Variants in CSMD1 observed in about 807,000 individuals in gnomAD.
CSMD1 encodes the protein CUB and Sushi multiple domains 1, also known as CUB and sushi domain-containing protein 1.
Under a neutral mutation model 417.5 loss-of-function variants are expected in CSMD1, and 213 were observed. That is an observed-to-expected ratio of 0.51 (90% confidence interval 0.46 to 0.57). The LOEUF (loss-of-function observed/expected upper bound fraction) is 0.57. Among genes scored for constraint, CSMD1 ranks in the 20% least tolerant of loss-of-function variants. CSMD1 has a pLI of 0.00. For missense variants in CSMD1, 6,923 were observed against 4,529.7 expected (o/e 1.53, Z -15.17); for synonymous variants, 2,862 against 1,736.8 (o/e 1.65, Z -16.11).
At chr8:3,660,900 C>G (rs558075239) in intron 7 of CSMD1, among the ~76,000 whole-genome samples, 1 of 152,290 alleles carries the variant, frequency 6.6e-6, no homozygotes. Flanking sequence ...TTTGTATACA[C>G]AGCTGCTCCC....
At chr8:3,694,084 TTA>T (rs907320444) in intron 7 of CSMD1, among the ~76,000 whole-genome samples, 80 of 151,358 alleles carry the variant, frequency 5.3e-4, no homozygotes, top group African/African-American at 1.9e-3. Flanking sequence ...TGTTGGAGTG[TTA>T]TGTGTTGTGT....
intron 52 of CSMD1, among the ~76,000 whole-genome samples, chr8:3,002,947 A>T (rs1438006450): frequency 6.6e-6 from 1 of 152,238 alleles, no homozygotes; most frequent in Non-Finnish European, 1.5e-5. Flanking sequence ...GAAGAAAAAA[A>T]AGTTATGTAT....
rs139037903 is a variant in CSMD1, at chr8:3,216,462, C to G, written c.4673-1771G>C. Among the ~76,000 whole-genome samples the G allele has an allele frequency of 4.3e-3, 648 of 152,148 alleles. 8 individuals carry two copies. Among genetic ancestry groups the G allele is most frequent in the African/African-American group, 0.015 (608 of 41,490 alleles). On this transcript the variant is annotated intron_variant, in intron 29 of 69. Transcript: ENST00000635120. Reference sequence around the variant, plus strand: ...TAATGTATGTCTGTTGCTCTTGTGTCCTTTTTGATCATTTTTTTGTTATAA... The same window carrying G: ...TAATGTATGTCTGTTGCTCTTGTGTGCTTTTTGATCATTTTTTTGTTATAA...
intron 7 of CSMD1, among the ~76,000 whole-genome samples, chr8:3,699,021 T>A (rs1026168146): frequency 1.3e-5 from 2 of 152,182 alleles, no homozygotes; most frequent in African/African-American, 2.4e-5. Flanking sequence ...TGTACCCACA[T>A]CCCACCTCAA....
At chr8:3,994,499 C>T (rs942139788) in intron 5 of CSMD1, among the ~76,000 whole-genome samples, 11 of 147,014 alleles carry the variant, frequency 7.5e-5, no homozygotes, top group African/African-American at 2.7e-4. Flanking sequence ...CTACACAAAT[C>T]CTTCCTAATT....
chr8:4,373,955 T>A (rs1188376282), intron 3 of CSMD1, among the ~76,000 whole-genome samples: 1 of 152,228 alleles, frequency 6.6e-6, no homozygotes, highest in African/African-American at 2.4e-5. Flanking sequence ...GTGTCTCTAC[T>A]GAGTAGACTT....
chr8:3,533,625 G>C (rs957819926), intron 10 of CSMD1, among the ~76,000 whole-genome samples: 5 of 152,132 alleles, frequency 3.3e-5, no homozygotes, highest in Non-Finnish European at 7.4e-5. Context: ...CCACTCATCT[G>C]CATCTGGAAT....
chr8:4,434,584 T>C (rs745809077), intron 2 of CSMD1, among the ~76,000 whole-genome samples: 1 of 152,210 alleles, frequency 6.6e-6, no homozygotes, highest in African/African-American at 2.4e-5. Flanking sequence ...GAAGTTCATG[T>C]TACAGTCAAT....
intron 1 of CSMD1, among the ~76,000 whole-genome samples, chr8:4,750,745 C>T (rs1467797994): frequency 6.6e-6 from 1 of 150,620 alleles, no homozygotes; most frequent in Non-Finnish European, 1.5e-5. Context: ...TACCGAATTA[C>T]TTCCCAAGGA....
At chr8:4,740,056 G>C (rs1330160624) in intron 1 of CSMD1, among the ~76,000 whole-genome samples, 1 of 151,978 alleles carries the variant, frequency 6.6e-6, no homozygotes, top group South Asian at 2.1e-4. Context: ...CTCTGGGAAT[G>C]ATCTCTGAGA....
chr8:3,764,625 A>G (rs200031117), intron 5 of CSMD1, among the ~76,000 whole-genome samples: 2 of 151,902 alleles, frequency 1.3e-5, no homozygotes, highest in East Asian at 3.9e-4. Flanking sequence ...TGATATCCAC[A>G]TTGTGACTTA....
intron 22 of CSMD1, among the ~76,000 whole-genome samples, chr8:3,346,905 C>A (rs555840997): frequency 6.6e-6 from 1 of 152,192 alleles, no homozygotes; most frequent in Non-Finnish European, 1.5e-5. Context: ...TCCTTTCTTG[C>A]CAGAAACCAG....
chr8:4,216,943 C>A (rs962574733), intron 3 of CSMD1, among the ~76,000 whole-genome samples: 2 of 152,126 alleles, frequency 1.3e-5, no homozygotes, highest in African/African-American at 4.8e-5. Context: ...CTCCAACAAA[C>A]CTTTTTTCAA....
At chr8:3,234,804 C>T (rs553393302) in intron 26 of CSMD1, among the ~76,000 whole-genome samples, 1 of 152,192 alleles carries the variant, frequency 6.6e-6, no homozygotes, top group African/African-American at 2.4e-5. Flanking sequence ...GGCAATTGGC[C>T]ATCATCTTGG....
chr8:4,900,399 T>C (rs1484740597), intron 1 of CSMD1, among the ~76,000 whole-genome samples: 1 of 152,318 alleles, frequency 6.6e-6, no homozygotes, highest in South Asian at 2.1e-4. Context: ...CGCACGCCTC[T>C]GCACCATATC....
At chr8:4,432,287 A>G (rs1166048622) in intron 2 of CSMD1, among the ~76,000 whole-genome samples, 1 of 152,160 alleles carries the variant, frequency 6.6e-6, no homozygotes, top group Non-Finnish European at 1.5e-5. Flanking sequence ...GTAGGTTTTT[A>G]TGAGGCAAGA....
At chr8:3,490,782 G>T (rs1585243079) in intron 11 of CSMD1, among the ~76,000 whole-genome samples, 1 of 152,314 alleles carries the variant, frequency 6.6e-6, no homozygotes, top group African/African-American at 2.4e-5. Context: ...AAGGCAGGCA[G>T]TGTGTGCGAC....
At chr8:3,152,312 G>A (rs756013430) in intron 39 of CSMD1, among the ~76,000 whole-genome samples, 6 of 152,200 alleles carry the variant, frequency 3.9e-5, no homozygotes, top group Non-Finnish European at 7.3e-5. Flanking sequence ...AGCATTTGAA[G>A]TTCCAATCTT....
chr8:4,300,525 C>CT (rs376445695), intron 3 of CSMD1, among the ~76,000 whole-genome samples: 52 of 152,002 alleles, frequency 3.4e-4, no homozygotes, highest in Non-Finnish European at 6.5e-4. Flanking sequence ...CCTTTACAGA[C>CT]TTTTTTTTAC....
Sources: gnomAD v4.1 joint callset for allele counts (sites outside exome capture counted in the v4.1 genomes callset) on GRCh38, gnomAD v4.1.1 for gene constraint, MANE v1.5 for transcripts, NCBI Gene and HGNC (gene_info 2026-07-23, HGNC 2026-07-21) for gene names.